The following TBC1D5 variants were observed in gnomAD, a reference collection of about 807,000 sequenced individuals.
TBC1D5 encodes TBC1 domain family member 5.
Under a neutral mutation model 100.3 loss-of-function variants are expected in TBC1D5, and 75 were observed. The observed-to-expected ratio is 0.75, with a 90% confidence interval of 0.62 to 0.91. The LOEUF (loss-of-function observed/expected upper bound fraction) is 0.91. TBC1D5 is among the 40% of genes least tolerant of loss of function. The pLI, the probability that TBC1D5 is intolerant of heterozygous loss-of-function variation, is 0.00. For missense variants in TBC1D5, 910 were observed against 942.4 expected (o/e 0.97, Z 0.45); for synonymous variants, 323 against 325.6 (o/e 0.99, Z 0.09).
At chr3:17,431,250 T>C (rs1160054842) in intron 3 of TBC1D5, among the ~76,000 whole-genome samples, 13 of 151,858 alleles carry the variant, frequency 8.6e-5, no homozygotes, top group African/African-American at 2.9e-4. Context: ...CAAAGATGCA[T>C]CATACACACA....
At chr3:17,238,289 T>A (rs960011174) in exon 17 of TBC1D5, 1 of 1,613,936 alleles carries the variant, frequency 6.2e-7, no homozygotes, top group African/African-American at 1.3e-5. Flanking sequence ...GAGGAGCTAC[T>A]GCTGTTGCCT....
rs80100578 is a variant in TBC1D5, at chr3:17,272,803, A to G, written c.1246-14212T>C. Among the ~76,000 whole-genome samples, 26 of 152,338 alleles carry G rather than the reference A, an allele frequency of 1.7e-4. No homozygotes were observed. In the South Asian group the frequency reaches 3.5e-3, roughly 21 times the overall value. ...AAGTTCCAAGTATATGGCATTGATA[A>G]TACTTCGTAATTTTCCACATCTCCC... On this transcript the variant is annotated intron_variant, in intron 15 of 21. Coordinates refer to ENST00000253692, the Ensembl canonical transcript of TBC1D5.
chr3:17,261,193 T>C (rs756167305), intron 15 of TBC1D5, among the ~76,000 whole-genome samples: 5 of 152,234 alleles, frequency 3.3e-5, no homozygotes, highest in African/African-American at 4.8e-5. Context: ...TTAAGTTAAT[T>C]TTATCTCTAT....
chr3:17,445,844 C>A (rs1418871714), intron 3 of TBC1D5, among the ~76,000 whole-genome samples: 1 of 152,108 alleles, frequency 6.6e-6, no homozygotes, highest in East Asian at 1.9e-4. Context: ...ACCATATTCG[C>A]CACAGATAAG....
intron 1 of TBC1D5, among the ~76,000 whole-genome samples, chr3:17,692,942 C>T (rs562987827): frequency 6.6e-6 from 1 of 152,344 alleles, no homozygotes; most frequent in South Asian, 2.1e-4. Context: ...CCAGCCTGGG[C>T]AACATGGCAA....
intron 1 of TBC1D5, among the ~76,000 whole-genome samples, chr3:17,721,931 G>A (rs1031533211): frequency 4.0e-5 from 6 of 151,826 alleles, no homozygotes; most frequent in African/African-American, 7.3e-5. Context: ...GCAGTGAGCC[G>A]AGATCACGCC....
At chr3:17,377,950 A>G (rs1289872349) in intron 9 of TBC1D5, among the ~76,000 whole-genome samples, 1 of 151,868 alleles carries the variant, frequency 6.6e-6, no homozygotes. Flanking sequence ...AACATGTTAG[A>G]CACCTAGAAA....
intron 1 of TBC1D5, among the ~76,000 whole-genome samples, chr3:17,697,910 A>G (rs1178139631): frequency 6.6e-6 from 1 of 151,890 alleles, no homozygotes; most frequent in Non-Finnish European, 1.5e-5. Context: ...AAACAGAGAT[A>G]TAAACCAATG....
upstream of TBC1D5, among the ~76,000 whole-genome samples, chr3:17,741,663 T>G (rs1254458323): frequency 6.6e-6 from 1 of 152,166 alleles, no homozygotes. Context: ...AAACACAGAT[T>G]ATAATTCCTG....
intron 13 of TBC1D5, among the ~76,000 whole-genome samples, chr3:17,349,481 G>T (rs2090302159): frequency 6.6e-6 from 1 of 152,164 alleles, no homozygotes; most frequent in South Asian, 2.1e-4. Context: ...TCATTTGAGT[G>T]ATACTTCTCA....
intron 1 of TBC1D5, among the ~76,000 whole-genome samples, chr3:17,640,241 T>G (rs1017409086): frequency 4.6e-5 from 7 of 152,132 alleles, no homozygotes; most frequent in African/African-American, 1.7e-4. Context: ...TTGGTGTAGC[T>G]AAAGGAGATA....
At chr3:17,596,453 G>T (rs1450977906) in intron 2 of TBC1D5, among the ~76,000 whole-genome samples, 4 of 150,962 alleles carry the variant, frequency 2.6e-5, no homozygotes, top group Non-Finnish European at 5.9e-5. Context: ...CAAGTAGCTG[G>T]GATTACAGAT....
intron 13 of TBC1D5, among the ~76,000 whole-genome samples, chr3:17,323,733 T>C (rs2085727683): frequency 6.6e-6 from 1 of 152,232 alleles, no homozygotes; most frequent in Non-Finnish European, 1.5e-5. Flanking sequence ...TAATCAATAT[T>C]GTTAAGATTT....
chr3:17,218,575 T>C (rs2073915134), intron 17 of TBC1D5, among the ~76,000 whole-genome samples: 2 of 152,028 alleles, frequency 1.3e-5, no homozygotes, highest in South Asian at 2.1e-4. Context: ...TTCTTTATTA[T>C]GTCTTATAGG....
chr3:17,541,746 C>T (rs1170055741), intron 2 of TBC1D5, among the ~76,000 whole-genome samples: 1 of 152,170 alleles, frequency 6.6e-6, no homozygotes, highest in Non-Finnish European at 1.5e-5. Context: ...CAAAAACTGA[C>T]ATCCTTCCAT....
rs9873515 is a variant in TBC1D5 at position 17,737,675 on chromosome 3, T to C, written c.-101+1668A>G. 9.3e-4 allele frequency among the ~76,000 whole-genome samples: 141 copies of C among 152,286 alleles called. 1 individual carries two copies. The highest frequency in any genetic ancestry group is 3.2e-3 in the African/African-American group (134 of 41,566). ...CATAAAGTATCATAAAATTACATCA[T>C]TCCATTTTAAAAAGTCAATCACTCT... is the stretch of plus-strand genomic sequence containing the variant. On this transcript the variant is annotated intron_variant, in intron 1 of 21. Transcript: ENST00000253692.
intron 1 of TBC1D5, among the ~76,000 whole-genome samples, chr3:17,704,965 C>T (rs1191616892): frequency 3.4e-5 from 4 of 116,950 alleles, no homozygotes; most frequent in South Asian, 3.3e-4. Flanking sequence ...AGAGGCGCCC[C>T]TCACCTCCCA....
At chr3:17,489,958 C>T (rs1004567570) in intron 3 of TBC1D5, among the ~76,000 whole-genome samples, 5 of 152,170 alleles carry the variant, frequency 3.3e-5, no homozygotes, top group African/African-American at 1.2e-4. Context: ...TTTACATTCC[C>T]ACCAACAGTG....
chr3:17,158,486 C>CACTT (rs2124945938), exon 22 of TBC1D5: 1 of 152,198 alleles, frequency 6.6e-6, no homozygotes, highest in Admixed American at 6.5e-5. Context: ...TTTAAAAAAA[C>CACTT]ACTTAAAAAA....
Sources: allele counts gnomAD v4.1 joint callset (sites outside exome capture counted in the v4.1 genomes callset), GRCh38; gene constraint gnomAD v4.1.1; transcripts MANE v1.5; gene names NCBI Gene and HGNC (gene_info 2026-07-23, HGNC 2026-07-21).